Variants in KLK6 observed in about 807,000 individuals in gnomAD.
The protein encoded by KLK6 is kallikrein-6.
Under a neutral mutation model 21.7 loss-of-function variants are expected in KLK6, and 16 were observed. The ratio of observed to expected loss-of-function variants is 0.74; its 90% confidence interval spans 0.50 to 1.12. The LOEUF is 1.12. KLK6 is among the 50% of genes most tolerant of loss of function. The probability of loss-of-function intolerance (pLI) is 0.00; values close to 1 mark genes in which losing one functional copy is unlikely to be tolerated. For synonymous variants in KLK6, 116 were observed against 120.1 expected (o/e 0.97, Z 0.22); for missense variants, 276 against 304.6 (o/e 0.91, Z 0.70).
intron 6 of KLK6, among the ~76,000 whole-genome samples, chr19:50,959,991 G>A (rs1297064486): frequency 6.2e-5 from 4 of 64,364 alleles, no homozygotes; most frequent in African/African-American, 3.2e-4. Flanking sequence ...GAACGAGGAG[G>A]AGGAAGAGGA....
intron 6 of KLK6, among the ~76,000 whole-genome samples, chr19:50,960,560 T>A (rs1447253005): frequency 6.6e-6 from 1 of 152,066 alleles, no homozygotes; most frequent in Non-Finnish European, 1.5e-5. Flanking sequence ...GGAAGGACAG[T>A]CCCCTCACAC....
Position 50,961,895 on chromosome 19 carries a change from A to T in KLK6, c.446-15T>A. On this transcript the variant is annotated splice_polypyrimidine_tract_variant and intron_variant, in intron 5 of 6. Transcript: ENST00000310157. ...AGGGAAATCACCTGTTAGGGGAGAG[A>T]TGGGCCAGACTCAGCCCAGGCCTTG... 1 of 1,611,600 alleles carries T rather than the reference A, an allele frequency of 6.2e-7. No individual in the cohort carries two copies. The highest frequency in any genetic ancestry group is 1.1e-5 in the South Asian group (1 of 90,740).
chr19:50,964,656 A>G (rs968487034), intron 4 of KLK6, among the ~76,000 whole-genome samples: 1 of 152,224 alleles, frequency 6.6e-6, no homozygotes, highest in South Asian at 2.1e-4. Context: ...ATTCAGATAT[A>G]GTATCTCCAG....
rs770911437 is a variant in KLK6 at position 50,968,133 on chromosome 19, G to A, written c.-8-21C>T. ...CGCTCCTGAGAGGGGAAGCCACATG[G>A]TCCATTAGTCACTGCCTCGACCCTC... is the stretch of plus-strand genomic sequence containing the variant. On this transcript the variant is annotated intron_variant, in intron 2 of 6. Coordinates refer to ENST00000310157, the MANE Select transcript of KLK6 (RefSeq NM_002774.4). The A allele has an allele frequency of 2.7e-5, 43 of 1,611,344 alleles. 1 individual carries two copies. In the South Asian group the frequency reaches 4.6e-4, roughly 17 times the overall value.
intron 4 of KLK6, among the ~76,000 whole-genome samples, chr19:50,965,514 G>A (rs1333669793): frequency 6.6e-6 from 1 of 151,888 alleles, no homozygotes; most frequent in Non-Finnish European, 1.5e-5. Context: ...TCGAACTCAG[G>A]TAATCCACCC....
At chr19:50,966,538 TGCCTGTAATCCCA>T (rs1450642692) in intron 4 of KLK6, among the ~76,000 whole-genome samples, 1 of 152,204 alleles carries the variant, frequency 6.6e-6, no homozygotes, top group African/African-American at 2.4e-5. Flanking sequence ...TGGTGGCTCA[TGCCTGTAATCCCA>T]GCTCTTTGGG....
chr19:50,968,019 C>G, intron 3 of KLK6, 46 bp downstream of exon 3: 1 of 1,588,250 alleles, frequency 6.3e-7, no homozygotes. Flanking sequence ...ATCAACAAGC[C>G]CAACCCTGTC....
At chr19:50,959,365 G>GAGAC in intron 6 of KLK6, 49 bp from the exon 7 acceptor site, 1 of 132,284 alleles carries the variant, frequency 7.6e-6, no homozygotes, top group East Asian at 5.5e-4. Context: ...CCCAGAGACT[G>GAGAC]TGTGTGTGTG....
chr19:50,967,382 C>T, intron 3 of KLK6, 57 bp from the exon 4 acceptor site: 1 of 1,507,144 alleles, frequency 6.6e-7, no homozygotes, highest in African/African-American at 1.4e-5. Context: ...AGCGCATCCC[C>T]CTCAACATGA....
At chr19:50,965,468 T>C (rs143450744) in intron 4 of KLK6, among the ~76,000 whole-genome samples, 10,026 of 151,136 alleles carry the variant, frequency 0.066, 437 homozygotes, top group Non-Finnish European at 0.095. Flanking sequence ...GTATTTTCAG[T>C]AGAGACAGGG....
rs764632929 is a variant in KLK6, at chr19:50,961,817, T to C, written c.509A>G (p.His170Arg). 6.2e-7 allele frequency: 1 copy of C among 1,614,080 alleles called. No homozygotes were observed. Among genetic ancestry groups the C allele is most frequent in the African/African-American group, 1.3e-5 (1 of 75,040 alleles). ...CTGGGTGATCTGGCCAGGGTAGGCA[T>C]GCTCACACTCCTCACGGGACACCAG... is the stretch of plus-strand genomic sequence containing the variant. ...IHLVSREECE[H>R]AYPGQITQNM... Residue 170 changes from histidine (H) to arginine (R), a missense_variant, in exon 6 of 7, where the codon CAT becomes CGT. Coordinates refer to ENST00000310157, the MANE Select transcript of KLK6 (RefSeq NM_002774.4).
At chr19:50,966,812 AAAC>A (rs1159363955) in intron 4 of KLK6, among the ~76,000 whole-genome samples, 1 of 152,146 alleles carries the variant, frequency 6.6e-6, no homozygotes, top group Non-Finnish European at 1.5e-5. Context: ...AAAAACAAAC[AAAC>A]AACAAAAACA....
At chr19:50,966,310 C>T (rs141293395) in intron 4 of KLK6, among the ~76,000 whole-genome samples, 7 of 152,340 alleles carry the variant, frequency 4.6e-5, no homozygotes, top group East Asian at 1.9e-4. Flanking sequence ...TCCTGTTCCT[C>T]GTTGCCAGAT....
intron 6 of KLK6, among the ~76,000 whole-genome samples, 165 bp from the exon 7 acceptor site, chr19:50,959,481 C>CAG (rs201182264): frequency 1.9e-3 from 259 of 139,790 alleles, no homozygotes; most frequent in African/African-American, 6.1e-3. Context: ...GACAGAGAGA[C>CAG]AGAGAGAGAG....
chr19:50,962,214 T>G (rs1003289914), intron 5 of KLK6: 25 of 250,676 alleles, frequency 1.0e-4, no homozygotes, highest in Non-Finnish European at 2.3e-5. Flanking sequence ...TTCAGTAGTT[T>G]CAGTTGACCT....
At chr19:50,965,531 G>T (rs1317027390) in intron 4 of KLK6, among the ~76,000 whole-genome samples, 1 of 151,960 alleles carries the variant, frequency 6.6e-6, no homozygotes, top group Non-Finnish European at 1.5e-5. Context: ...ACCCACCTCG[G>T]CCTCCCAAAG....
At chr19:50,963,242 C>A in intron 5 of KLK6, 60 bp downstream of exon 5, 1 of 1,571,662 alleles carries the variant, frequency 6.4e-7, no homozygotes, top group South Asian at 1.2e-5. Flanking sequence ...ACTCCCCATC[C>A]TTTGGCACAC....
At chr19:50,961,599 A>T in intron 6 of KLK6, 145 bp downstream of exon 6, 1 of 901,452 alleles carries the variant, frequency 1.1e-6, no homozygotes, top group Non-Finnish European at 1.6e-6. Flanking sequence ...CTTCTTTTCA[A>T]GGCTTGGGTT....
At chr19:50,967,998 G>A in intron 3 of KLK6, 67 bp downstream of exon 3, 1 of 1,363,220 alleles carries the variant, frequency 7.3e-7, no homozygotes, top group Non-Finnish European at 1.0e-6. Context: ...CCCAATACCA[G>A]CCTCTTCTCC....
Sources: gnomAD v4.1 joint callset for allele counts (sites outside exome capture counted in the v4.1 genomes callset) on GRCh38, gnomAD v4.1.1 for gene constraint, MANE v1.5 for transcripts, NCBI Gene and HGNC (gene_info 2026-07-23, HGNC 2026-07-21) for gene names.